Variants in KALRN observed in about 807,000 individuals in gnomAD.
KALRN encodes kalirin.
KALRN carries 70 observed loss-of-function variants against 353.7 expected under a neutral mutation model. That is an observed-to-expected ratio of 0.20 (90% CI 0.16 to 0.24). The LOEUF is 0.24. Among genes scored for constraint, KALRN ranks in the 10% least tolerant of loss-of-function variants. The probability of loss-of-function intolerance (pLI) is 1.00; values close to 1 mark genes in which losing one functional copy is unlikely to be tolerated. For synonymous variants in KALRN, 1,391 were observed against 1,434.8 expected (o/e 0.97, Z 0.69); for missense variants, 2,791 against 3,756.7 (o/e 0.74, Z 6.72).
At chr3:124,649,790 AATAGATAGATAG>A (rs57296265) in intron 37 of KALRN, among the ~76,000 whole-genome samples, 1,381 of 132,824 alleles carry the variant, frequency 0.01, 8 homozygotes, top group Non-Finnish European at 0.015. Context: ...CCTGTCTCAA[AATAGATAGATAG>A]ATAGATAGAT....
intron 15 of KALRN, among the ~76,000 whole-genome samples, chr3:124,426,102 T>G (rs1400552537): frequency 6.6e-6 from 1 of 152,190 alleles, no homozygotes; most frequent in Admixed American, 6.5e-5. Context: ...GACTGCTGCT[T>G]GGTTAAGCCA....
At chr3:124,478,481 G>A (rs1468796879) in intron 27 of KALRN, among the ~76,000 whole-genome samples, 3 of 152,116 alleles carry the variant, frequency 2.0e-5, no homozygotes, top group Non-Finnish European at 4.4e-5. Context: ...GTAAAGAAAT[G>A]ACACTTGAAT....
intron 6 of KALRN, among the ~76,000 whole-genome samples, chr3:124,306,771 A>G (rs1363901364): frequency 1.3e-5 from 2 of 152,178 alleles, no homozygotes; most frequent in Non-Finnish European, 2.9e-5. Context: ...TCTCTGTTAC[A>G]AGGGAACCTC....
At chr3:124,070,287 C>G (rs984191145) in intron 1 of KALRN, among the ~76,000 whole-genome samples, 10 of 152,128 alleles carry the variant, frequency 6.6e-5, no homozygotes, top group Admixed American at 2.6e-4. Flanking sequence ...CTCTGAGTAC[C>G]AAGCTCAATG....
chr3:124,521,163 T>C (rs1297689570), intron 33 of KALRN, among the ~76,000 whole-genome samples: 1 of 152,206 alleles, frequency 6.6e-6, no homozygotes, highest in Admixed American at 6.5e-5. Context: ...CCTTGTTGTG[T>C]AGAGCACAGG....
At chr3:124,319,128 G>T (rs1009821976) in intron 6 of KALRN, among the ~76,000 whole-genome samples, 1 of 151,904 alleles carries the variant, frequency 6.6e-6, no homozygotes, top group South Asian at 2.1e-4. Context: ...TTTCAACTTT[G>T]ATGGAGTGCA....
Position 124,317,413 on chromosome 3 carries a change from G to A in KALRN, c.1093-8567G>A, listed in dbSNP as rs114626128. On this transcript the variant is annotated intron_variant, in intron 6 of 59. Coordinates refer to ENST00000682506, the MANE Select transcript of KALRN (RefSeq NM_001388419.1). ...TAATGACAGTGACTTTGTCAGGGAT[G>A]GCCTAAGGGTGAAATGTGTTTGTAC... Among the ~76,000 whole-genome samples the A allele has an allele frequency of 6.8e-3, 1,036 of 152,282 alleles. 16 individuals are homozygous for A. The highest frequency in any genetic ancestry group is 0.024 in the African/African-American group (988 of 41,558).
intron 1 of KALRN, among the ~76,000 whole-genome samples, chr3:124,131,459 T>C (rs377204917): frequency 6.6e-6 from 1 of 152,186 alleles, no homozygotes; most frequent in Non-Finnish European, 1.5e-5. Context: ...CAAGGAGTTT[T>C]TGAAAAACAT....
chr3:124,485,014 T>G (rs553405733), intron 28 of KALRN, among the ~76,000 whole-genome samples: 3 of 152,258 alleles, frequency 2.0e-5, no homozygotes, highest in African/African-American at 4.8e-5. Flanking sequence ...GAGAATTGCT[T>G]GAGCCTCGGA....
intron 33 of KALRN, chr3:124,562,620 C>G: frequency 2.8e-6 from 1 of 357,838 alleles, no homozygotes; most frequent in South Asian, 2.2e-5. Context: ...TAGCACTGTG[C>G]TAATTACATT....
chr3:124,563,462 C>A (rs556047808), intron 34 of KALRN, among the ~76,000 whole-genome samples: 1 of 152,162 alleles, frequency 6.6e-6, no homozygotes, highest in Non-Finnish European at 1.5e-5. Flanking sequence ...GACCCACTCC[C>A]GCTCCACAGC....
At chr3:124,539,537 C>G (rs552446907) in intron 33 of KALRN, among the ~76,000 whole-genome samples, 7 of 152,260 alleles carry the variant, frequency 4.6e-5, no homozygotes, top group Admixed American at 4.6e-4. Context: ...CTCTATGGCT[C>G]AGCACAAAGC....
chr3:124,708,516 G>T (rs979767844), intron 57 of KALRN, among the ~76,000 whole-genome samples: 7 of 152,080 alleles, frequency 4.6e-5, no homozygotes, highest in Non-Finnish European at 8.8e-5. Context: ...TTCAATAGCA[G>T]AACAAAGCTG....
chr3:124,265,312 T>TTTTTTTTTTTA (rs2073392078), intron 4 of KALRN, among the ~76,000 whole-genome samples: 1 of 141,004 alleles, frequency 7.1e-6, no homozygotes. Context: ...TTTTTTTTTT[T>TTTTTTTTTTTA]GAGATAGAGT....
intron 4 of KALRN, 26 bp downstream of exon 4, chr3:124,264,716 A>G: frequency 1.3e-6 from 2 of 1,594,784 alleles, no homozygotes; most frequent in Non-Finnish European, 1.7e-6. Context: ...CTCTCTTAGC[A>G]TCTTCTTTCC....
At chr3:124,431,388 G>C (rs1376186494) in intron 16 of KALRN, among the ~76,000 whole-genome samples, 3 of 152,128 alleles carry the variant, frequency 2.0e-5, no homozygotes, top group Non-Finnish European at 4.4e-5. Flanking sequence ...TTTTTAGAAG[G>C]CTATTTAAAA....
intron 3 of KALRN, among the ~76,000 whole-genome samples, chr3:124,241,623 A>C (rs762213695): frequency 6.6e-6 from 1 of 152,244 alleles, no homozygotes; most frequent in African/African-American, 2.4e-5. Flanking sequence ...AAGTCCTTAC[A>C]TAGTGCCAGG....
intron 29 of KALRN, 163 bp downstream of exon 29, chr3:124,488,478 C>G: frequency 1.7e-6 from 1 of 600,866 alleles, no homozygotes; most frequent in South Asian, 2.0e-5. Flanking sequence ...AGGGGCTCCA[C>G]AAGGACCAAT....
intron 5 of KALRN, among the ~76,000 whole-genome samples, chr3:124,298,231 C>T (rs181431274): frequency 1.9e-4 from 29 of 152,286 alleles, no homozygotes; most frequent in East Asian, 9.6e-4. Context: ...ACTTATACTA[C>T]GCTTAAAACC....
Sources: gnomAD v4.1 joint callset for allele counts (sites outside exome capture counted in the v4.1 genomes callset) on GRCh38, gnomAD v4.1.1 for gene constraint, MANE v1.5 for transcripts, NCBI Gene and HGNC (gene_info 2026-07-23, HGNC 2026-07-21) for gene names.